FMN1: variants seen among roughly 807,000 people sequenced by gnomAD.
The protein encoded by FMN1 is formin-1.
A neutral mutation model predicts 132.4 loss-of-function variants in FMN1; 110 were observed. That is an observed-to-expected ratio of 0.83 (90% CI 0.71 to 0.97). FMN1 has a LOEUF of 0.97. FMN1 is among the 50% of genes least tolerant of loss of function. The pLI is 0.00. For synonymous variants in FMN1, 722 were observed against 651.7 expected, an observed-to-expected ratio of 1.11 and a Z score of -1.64; for missense variants, 1,792 against 1,705.3, an observed-to-expected ratio of 1.05 and a Z score of -0.90.
At chr15:33,013,872 G>C (rs2034882559) in intron 6 of FMN1, among the ~76,000 whole-genome samples, 1 of 152,184 alleles carries the variant, frequency 6.6e-6, no homozygotes, top group African/African-American at 2.4e-5. Context: ...ATTCTAAATA[G>C]AAATTATACA....
intron 7 of FMN1, among the ~76,000 whole-genome samples, chr15:33,004,559 A>C (rs532983928): frequency 6.6e-6 from 1 of 152,128 alleles, no homozygotes; most frequent in Non-Finnish European, 1.5e-5. Context: ...AGAGGATGTG[A>C]AGAAATAGGA....
chr15:32,846,480 C>A (rs747267344), intron 17 of FMN1, among the ~76,000 whole-genome samples: 2 of 152,312 alleles, frequency 1.3e-5, no homozygotes, highest in East Asian at 3.9e-4. Context: ...CATCACTGAT[C>A]ATTAGAGAAA....
In FMN1 at chr15:32,765,985, A is replaced by G. The variant is rs1567130954; in HGVS notation, c.*8325T>C. ...AGAAATACGTATTTTTAAAAATGCAAAGGGAAAAATACCTGAATCCAATGA... is the reference window on the plus strand; with the variant it reads ...AGAAATACGTATTTTTAAAAATGCAGAGGGAAAAATACCTGAATCCAATGA... On this transcript the variant is annotated 3_prime_UTR_variant, in exon 21 of 21. Coordinates refer to ENST00000616417, the MANE Select transcript of FMN1 (RefSeq NM_001277313.2). The G allele has an allele frequency of 2.6e-5, 4 of 152,212 alleles. No individual in the cohort carries two copies. The highest frequency in any genetic ancestry group is 2.6e-4 in the Admixed American group (4 of 15,286). The allele number at this position is 152,212 out of a possible 1,614,324, so 9.4% of individuals were successfully genotyped here.
intron 3 of FMN1, among the ~76,000 whole-genome samples, chr15:33,172,713 G>A (rs906424310): frequency 2.0e-5 from 3 of 152,226 alleles, no homozygotes; most frequent in African/African-American, 4.8e-5. Context: ...AAGTGGCAGA[G>A]TTGGGCTTCA....
At chr15:32,902,788 G>C (rs1233637354) in intron 12 of FMN1, among the ~76,000 whole-genome samples, 1 of 152,190 alleles carries the variant, frequency 6.6e-6, no homozygotes, top group Non-Finnish European at 1.5e-5. Flanking sequence ...AACTAAGTTG[G>C]AAAGAGCGAC....
intron 7 of FMN1, among the ~76,000 whole-genome samples, chr15:33,004,565 T>C (rs1243986173): frequency 6.6e-6 from 1 of 152,082 alleles, no homozygotes; most frequent in Non-Finnish European, 1.5e-5. Context: ...TGTGAAGAAA[T>C]AGGAACACTT....
intron 16 of FMN1, among the ~76,000 whole-genome samples, chr15:32,874,124 C>G (rs897397490): frequency 6.7e-6 from 1 of 149,818 alleles, no homozygotes; most frequent in Non-Finnish European, 1.5e-5. Flanking sequence ...TGGGTTCAAG[C>G]GATTCTCCTG....
At chr15:33,021,371 T>G (rs2035408692) in intron 6 of FMN1, among the ~76,000 whole-genome samples, 1 of 152,136 alleles carries the variant, frequency 6.6e-6, no homozygotes, top group Non-Finnish European at 1.5e-5. Context: ...AGTTAACAAT[T>G]TAGAGACTCA....
At chr15:33,050,924 T>G (rs1379774127) in intron 6 of FMN1, among the ~76,000 whole-genome samples, 1 of 152,140 alleles carries the variant, frequency 6.6e-6, no homozygotes, top group Non-Finnish European at 1.5e-5. Context: ...CATAGAAAGG[T>G]TTCAGTATAT....
chr15:33,165,840 G>T (rs879063825), intron 3 of FMN1, among the ~76,000 whole-genome samples: 3 of 152,122 alleles, frequency 2.0e-5, no homozygotes, highest in Admixed American at 2.0e-4. Context: ...TGGGGACCAT[G>T]GGGGCTCTCC....
At chr15:33,033,784 A>G (rs908127460) in intron 6 of FMN1, among the ~76,000 whole-genome samples, 41 of 152,058 alleles carry the variant, frequency 2.7e-4, no homozygotes, top group Non-Finnish European at 2.9e-4. Context: ...GACACCTCCA[A>G]TACTCTTTCA....
Position 33,068,095 on chromosome 15 carries a change from G to A in FMN1, c.2044-3021C>T, listed in dbSNP as rs901802704. The A allele has an allele frequency of 3.0e-6, 4 of 1,314,518 alleles. No individual in the cohort carries two copies. In the African/African-American group the frequency reaches 4.5e-5, roughly 15 times the overall value. 81.4% of individuals were successfully genotyped at this position (1,314,518 alleles called of 1,614,324 possible). On this transcript the variant is annotated intron_variant, in intron 5 of 20. Transcript: ENST00000616417. ...CGATGATGTGTTCCAGGGCAACTGT[G>A]AAAAATCTGTGGAGTCTATGCCCAG...
chr15:32,975,449 G>C (rs1247088090), intron 7 of FMN1, among the ~76,000 whole-genome samples: 2 of 152,158 alleles, frequency 1.3e-5, no homozygotes, highest in African/African-American at 2.4e-5. Flanking sequence ...TTTAAGGAGA[G>C]ATAAAGATCC....
chr15:32,984,949 C>G (rs2032961400), intron 7 of FMN1, among the ~76,000 whole-genome samples: 1 of 127,544 alleles, frequency 7.8e-6, no homozygotes, highest in Non-Finnish European at 1.6e-5. Flanking sequence ...TGCTTAAGGT[C>G]TCCTTTTCTC....
intron 17 of FMN1, among the ~76,000 whole-genome samples, chr15:32,844,410 C>T (rs2058813631): frequency 6.6e-6 from 1 of 151,942 alleles, no homozygotes; most frequent in South Asian, 2.1e-4. Context: ...TATGTACATC[C>T]CTTATATCAT....
chr15:33,100,949 A>G (rs2039270278), intron 4 of FMN1, among the ~76,000 whole-genome samples: 1 of 152,234 alleles, frequency 6.6e-6, no homozygotes, highest in South Asian at 2.1e-4. Context: ...GACATCAAGT[A>G]TGAAATACAA....
At chr15:32,914,029 G>C (rs2060624508) in intron 10 of FMN1, among the ~76,000 whole-genome samples, 5 of 152,118 alleles carry the variant, frequency 3.3e-5, no homozygotes. Context: ...ATCAAGGTTT[G>C]GCCAGCAGTT....
intron 3 of FMN1, among the ~76,000 whole-genome samples, chr15:33,159,469 T>G (rs187861056): frequency 6.6e-6 from 1 of 152,328 alleles, no homozygotes; most frequent in Non-Finnish European, 1.5e-5. Flanking sequence ...TAGGCTAAAG[T>G]TAACACATTT....
At chr15:33,104,763 T>C (rs1030853606) in intron 4 of FMN1, among the ~76,000 whole-genome samples, 1 of 151,978 alleles carries the variant, frequency 6.6e-6, no homozygotes, top group Non-Finnish European at 1.5e-5. Context: ...AAAGGAAAAA[T>C]GAGATAATTT....
Sources: gnomAD v4.1 joint callset for allele counts (sites outside exome capture counted in the v4.1 genomes callset) on GRCh38, gnomAD v4.1.1 for gene constraint, MANE v1.5 for transcripts, NCBI Gene and HGNC (gene_info 2026-07-23, HGNC 2026-07-21) for gene names.